The following ASTN1 variants were observed in gnomAD, a reference collection of about 807,000 sequenced individuals.
ASTN1 encodes astrotactin-1.
ASTN1 carries 41 observed loss-of-function variants against 140.7 expected under a neutral mutation model. That is an observed-to-expected ratio of 0.29 (90% CI 0.23 to 0.38). The LOEUF (loss-of-function observed/expected upper bound fraction) is 0.38, where lower values mean the gene tolerates loss of function less well. ASTN1 is among the 10% of genes least tolerant of loss of function. The pLI is 1.00. For synonymous variants in ASTN1, 640 were observed against 652.2 expected, an observed-to-expected ratio of 0.98 and a Z score of 0.29; for missense variants, 1,479 against 1,678.8, an observed-to-expected ratio of 0.88 and a Z score of 2.08.
chr1:176,987,825 A>C (rs1673975530), intron 8 of ASTN1, among the ~76,000 whole-genome samples: 1 of 152,196 alleles, frequency 6.6e-6, no homozygotes, highest in Non-Finnish European at 1.5e-5. Flanking sequence ...TAGAGTAAGA[A>C]TAGCTTTGGG....
chr1:177,040,783 G>T (rs958846640), intron 2 of ASTN1, among the ~76,000 whole-genome samples: 2 of 152,188 alleles, frequency 1.3e-5, no homozygotes, highest in African/African-American at 2.4e-5. Context: ...TGGAAAGTTT[G>T]TCTTCAATTC....
downstream of ASTN1, among the ~76,000 whole-genome samples, chr1:176,859,478 G>T (rs1667899347): frequency 2.6e-5 from 4 of 152,136 alleles, no homozygotes; most frequent in Admixed American, 2.0e-4. Flanking sequence ...CCCCTGACTG[G>T]ATTATTTTTA....
intron 2 of ASTN1, among the ~76,000 whole-genome samples, chr1:177,033,282 C>T (rs1378566615): frequency 1.3e-5 from 2 of 152,080 alleles, no homozygotes; most frequent in Non-Finnish European, 2.9e-5. Flanking sequence ...TTCTTCCTGT[C>T]TCACGTCTAA....
chr1:176,980,150 G>A lies in ASTN1; in HGVS notation c.1524-14913C>T, dbSNP rs1250899178. 2.0e-5 allele frequency among the ~76,000 whole-genome samples: 3 copies of A among 152,060 alleles called. No individual in the cohort carries two copies. In the East Asian group the frequency reaches 5.8e-4, roughly 29 times the overall value. On this transcript the variant is annotated intron_variant, in intron 8 of 22. Coordinates refer to ENST00000361833, the MANE Select transcript of ASTN1 (RefSeq NM_004319.3). ...GGGGGCAAAGATTGGAGAAATTGAG[G>A]AGTTGAAACAACAATTTAGGGTGGA... is the stretch of plus-strand genomic sequence containing the variant.
intron 9 of ASTN1, among the ~76,000 whole-genome samples, chr1:176,960,269 G>T (rs1305220944): frequency 6.6e-6 from 1 of 152,148 alleles, no homozygotes. Context: ...GGGCACCTCC[G>T]CTATTATACC....
At chr1:176,940,658 C>T (rs1671676233) in intron 14 of ASTN1, among the ~76,000 whole-genome samples, 1 of 152,278 alleles carries the variant, frequency 6.6e-6, no homozygotes, top group South Asian at 2.1e-4. Flanking sequence ...ATAGCCTTTG[C>T]CTGTTCTTAT....
At chr1:177,072,747 A>C (rs960916638) in intron 1 of ASTN1, among the ~76,000 whole-genome samples, 4 of 152,198 alleles carry the variant, frequency 2.6e-5, no homozygotes, top group South Asian at 2.1e-4. Context: ...ATTCTACATG[A>C]ATAACGTCTT....
intron 1 of ASTN1, among the ~76,000 whole-genome samples, chr1:177,071,525 T>A (rs1215646546): frequency 6.6e-6 from 1 of 152,164 alleles, no homozygotes; most frequent in Non-Finnish European, 1.5e-5. Context: ...TCCATTCTCA[T>A]CCTCATTCTA....
At position 176,979,002 on chromosome 1, in the gene ASTN1, A is replaced by C. The variant is rs150137106; in HGVS notation, c.1524-13765T>G. 1.6e-4 allele frequency among the ~76,000 whole-genome samples: 25 copies of C among 152,318 alleles called. No homozygotes were observed. In the East Asian group the frequency reaches 4.6e-3, roughly 28 times the overall value. ...TCTGTACTCTGGGGATACAGAGGTG[A>C]ACAGAAGCAAAACTGATGGGGGTCT... On this transcript the variant is annotated intron_variant, in intron 8 of 22. Coordinates refer to ENST00000361833, the MANE Select transcript of ASTN1 (RefSeq NM_004319.3).
intron 8 of ASTN1, among the ~76,000 whole-genome samples, chr1:177,002,254 T>A (rs1271249858): frequency 6.6e-6 from 1 of 152,096 alleles, no homozygotes; most frequent in African/African-American, 2.4e-5. Context: ...CCCCAATTGT[T>A]GAAGTTCATT....
At chr1:177,087,393 C>T (rs1488029478) in intron 1 of ASTN1, among the ~76,000 whole-genome samples, 1 of 152,166 alleles carries the variant, frequency 6.6e-6, no homozygotes, top group African/African-American at 2.4e-5. Flanking sequence ...AGATCCAAAA[C>T]CAGTAACAGT....
intron 18 of ASTN1, among the ~76,000 whole-genome samples, chr1:176,887,504 T>C (rs1348917135): frequency 2.0e-5 from 3 of 152,232 alleles, no homozygotes; most frequent in African/African-American, 7.2e-5. Flanking sequence ...ATCCTCTCCG[T>C]ACTATAATGG....
chr1:176,883,770 T>C (rs1298536863), intron 19 of ASTN1, among the ~76,000 whole-genome samples: 1 of 152,232 alleles, frequency 6.6e-6, no homozygotes, highest in Non-Finnish European at 1.5e-5. Flanking sequence ...ATGTTGACCT[T>C]TCACTGTGTG....
In ASTN1 at chr1:177,032,702, C is replaced by G. The variant is rs780426972; in HGVS notation, c.619G>C (p.Val207Leu). Residue 207 changes from valine to leucine, a missense_variant, in exon 3 of 23, where the codon GTG becomes CTG. By Grantham distance (32) the Val-to-Leu change is conservative. Transcript: ENST00000361833. ...AANEIHYIPS[V>L]LIGGHGRESL... ...TCCCGTCCGTGCCCGCCGATCAGCACAGAAGGAATGTAGTGAATCTCATTG... is the reference window on the plus strand; with the variant it reads ...TCCCGTCCGTGCCCGCCGATCAGCAGAGAAGGAATGTAGTGAATCTCATTG... 2.5e-6 allele frequency: 4 copies of G among 1,614,036 alleles called. No homozygotes were observed. Among genetic ancestry groups the G allele is most frequent in the Non-Finnish European group, 3.4e-6 (4 of 1,180,044 alleles).
In ASTN1 at chr1:176,894,738, TGCC is replaced by T. The variant is rs780563676; in HGVS notation, c.2761_2763del (p.Gly921del). On this transcript the variant is annotated inframe_deletion, in exon 17 of 23. Transcript: ENST00000361833. ...CGGACTCCAGCCGCCATGTGCTTGG[TGCC>T]GGAGTCTGACAAGCTGGTGATGTAT... The T allele has an allele frequency of 3.0e-5, 48 of 1,614,040 alleles. No individual in the cohort carries two copies. The highest frequency in any genetic ancestry group is 4.0e-5 in the Non-Finnish European group (47 of 1,180,024).
chr1:176,980,675 T>G (rs1269471405), intron 8 of ASTN1, among the ~76,000 whole-genome samples: 2 of 152,040 alleles, frequency 1.3e-5, no homozygotes, highest in African/African-American at 2.4e-5. Context: ...AGAGGAGTTT[T>G]GGGTGGGATG....
At chr1:176,948,821 A>C (rs867579902) in intron 12 of ASTN1, among the ~76,000 whole-genome samples, 22 of 152,342 alleles carry the variant, frequency 1.4e-4, no homozygotes, top group Middle Eastern at 3.4e-3. Context: ...AGTTTTAAAC[A>C]ATAAAAACCT....
At chr1:176,860,966 G>T, downstream of ASTN1, 1 of 542,494 alleles carries the variant, frequency 1.8e-6, no homozygotes, top group Non-Finnish European at 2.3e-6. Context: ...GGCCCATTAT[G>T]TCTGGAATCT....
intron 18 of ASTN1, among the ~76,000 whole-genome samples, chr1:176,885,896 TG>T (rs1669014237): frequency 6.6e-6 from 1 of 151,978 alleles, no homozygotes; most frequent in Non-Finnish European, 1.5e-5. Context: ...ATTCAACTAG[TG>T]GGAAAATAAT....
Sources: gnomAD v4.1 joint callset for allele counts (sites outside exome capture counted in the v4.1 genomes callset) on GRCh38, gnomAD v4.1.1 for gene constraint, MANE v1.5 for transcripts, NCBI Gene and HGNC (gene_info 2026-07-23, HGNC 2026-07-21) for gene names.